SYNJ2: variants seen among roughly 807,000 people sequenced by gnomAD.
SYNJ2 encodes polyphosphatidylinositol phosphatase SYNJ2.
Under a neutral mutation model 141.3 loss-of-function variants are expected in SYNJ2, and 116 were observed. That is an observed-to-expected ratio of 0.82 (90% CI 0.71 to 0.96). The LOEUF is 0.96. SYNJ2 is among the 40% of genes least tolerant of loss of function. The probability of loss-of-function intolerance (pLI) is 0.00; values close to 1 mark genes in which losing one functional copy is unlikely to be tolerated. For missense variants in SYNJ2, 1,873 were observed against 1,934.8 expected (o/e 0.97, Z 0.60); for synonymous variants, 745 against 777.7 (o/e 0.96, Z 0.70).
intron 15 of SYNJ2, among the ~76,000 whole-genome samples, chr6:158,073,061 C>T (rs1782036684): frequency 2.1e-5 from 2 of 93,934 alleles, no homozygotes; most frequent in African/African-American, 4.6e-5. Flanking sequence ...CAGAGCGAGA[C>T]TCTGTCTAAA....
chr6:158,047,774 C>CAAAAAAAAAAAAAAAAAAA (rs58147972), intron 5 of SYNJ2, among the ~76,000 whole-genome samples: 7 of 32,384 alleles, frequency 2.2e-4, no homozygotes, highest in Admixed American at 5.3e-4. Context: ...GCGACTCTGT[C>CAAAAAAAAAAAAAAAAAAA]AAAAAAAAAA....
At chr6:158,066,713 A>G (rs987568205) in intron 12 of SYNJ2, 78 bp downstream of exon 12, 1 of 1,517,372 alleles carries the variant, frequency 6.6e-7, no homozygotes, top group Non-Finnish European at 9.0e-7. Flanking sequence ...TTTAGTGGCC[A>G]TCGTCTTGTG....
intron 1 of SYNJ2, among the ~76,000 whole-genome samples, chr6:158,009,689 G>C (rs886237404): frequency 2.6e-5 from 4 of 152,200 alleles, no homozygotes; most frequent in Non-Finnish European, 5.9e-5. Flanking sequence ...ATCAAGAAAG[G>C]GGGGATGGAA....
At chr6:157,988,721 G>A (rs1777300443) in intron 1 of SYNJ2, among the ~76,000 whole-genome samples, 1 of 152,218 alleles carries the variant, frequency 6.6e-6, no homozygotes, top group South Asian at 2.1e-4. Context: ...TTCAGGCTCA[G>A]ACTTGGGAAT....
rs531633531 is a variant in SYNJ2, at chr6:158,086,976, AC to A, written c.3338del (p.Pro1113LeufsTer5). ...CTCGGCCACCTCAACCCCCGCAGAG[AC>A]CCCCCCCTCCAAGTAAGACTCTGCT... ...RPRPPQPPQR[P>X]PPPTGLMVKK... is the part of the protein sequence containing the mutation. On this transcript the variant is annotated frameshift_variant, in exon 23 of 27. Transcript: ENST00000355585. LOFTEE classifies it high-confidence loss of function. 1.2e-4 allele frequency: 90 copies of A among 751,168 alleles called. No homozygotes were observed. Among genetic ancestry groups the A allele is most frequent in the Admixed American group, 2.8e-4 (13 of 47,088 alleles). The allele number at this position is 751,168 out of a possible 1,614,324, so 46.5% of individuals were successfully genotyped here.
At chr6:158,057,425 AAG>A (rs1318381881) in intron 6 of SYNJ2, among the ~76,000 whole-genome samples, 2 of 152,142 alleles carry the variant, frequency 1.3e-5, no homozygotes, top group Non-Finnish European at 2.9e-5. Context: ...AAGGGAAAGA[AAG>A]AGGAACCACG....
chr6:158,067,684 A>G (rs1307470185), intron 12 of SYNJ2: 3 of 985,268 alleles, frequency 3.0e-6, no homozygotes, highest in Admixed American at 6.1e-5. Flanking sequence ...CATGCCCCAC[A>G]GCTGCCTGGG....
chr6:157,983,372 C>A (rs891178915), intron 1 of SYNJ2, among the ~76,000 whole-genome samples: 19 of 152,326 alleles, frequency 1.2e-4, no homozygotes, highest in African/African-American at 4.1e-4. Flanking sequence ...CCTGAAGAGT[C>A]TAAGTTTGGT....
chr6:158,077,872 C>T (rs1057409687), intron 17 of SYNJ2: 8 of 219,716 alleles, frequency 3.6e-5, no homozygotes, highest in Non-Finnish European at 3.6e-5. Context: ...TTCTGGGATT[C>T]CTGGGTCCTG....
intron 2 of SYNJ2, among the ~76,000 whole-genome samples, chr6:158,026,507 A>C: frequency 6.7e-6 from 1 of 149,532 alleles, no homozygotes; most frequent in South Asian, 2.1e-4. Context: ...CCCCTGTACC[A>C]CTCCCGACCC....
At chr6:158,029,317 G>A (rs1417665528) in intron 3 of SYNJ2, 2 of 253,124 alleles carry the variant, frequency 7.9e-6, no homozygotes, top group Admixed American at 4.7e-5. Context: ...GGGAGGCTGA[G>A]GCAGGTGGAT....
chr6:158,058,121 G>A (rs1286345593), intron 6 of SYNJ2, among the ~76,000 whole-genome samples: 3 of 152,106 alleles, frequency 2.0e-5, no homozygotes, highest in South Asian at 2.1e-4. Context: ...GCTCATAAAC[G>A]TGTCATTACA....
intron 17 of SYNJ2, 25 bp from the exon 18 acceptor site, chr6:158,078,139 T>C (rs1341680244): frequency 6.9e-7 from 1 of 1,450,418 alleles, no homozygotes. Context: ...TATATGGGTC[T>C]CTCGAATGGA....
In SYNJ2 at chr6:158,059,331, A is replaced by C. The variant is rs945320111; in HGVS notation, c.932A>C (p.Glu311Ala). The change falls in exon 7 of 27, where the codon GAG becomes GCG. Residue 311 changes from glutamate (E) to alanine (A), a missense_variant. Glu to Ala is a moderately radical substitution (Grantham distance 107). Coordinates refer to ENST00000355585, the MANE Select transcript of SYNJ2 (RefSeq NM_003898.4). ...VNLLGSRGGEEVLNRAFKKLL... is the reference protein window; with the variant it reads ...VNLLGSRGGEAVLNRAFKKLL... ...CTTCTGGGAAGCAGAGGCGGAGAGG[A>C]GGTGCTCAACAGAGCCTTCAAGGTA... 4.8e-5 allele frequency: 74 copies of C among 1,550,564 alleles called. No homozygotes were observed. Among genetic ancestry groups the C allele is most frequent in the Non-Finnish European group, 6.4e-5 (73 of 1,146,842 alleles).
At chr6:158,011,107 C>T (rs886523556) in intron 1 of SYNJ2, among the ~76,000 whole-genome samples, 4 of 151,026 alleles carry the variant, frequency 2.6e-5, no homozygotes, top group Non-Finnish European at 5.9e-5. Flanking sequence ...AATTGGGGGA[C>T]ACCACGCGGG....
intron 26 of SYNJ2, among the ~76,000 whole-genome samples, chr6:158,095,042 G>A (rs1475756029): frequency 1.3e-5 from 2 of 152,006 alleles, no homozygotes; most frequent in East Asian, 1.9e-4. Flanking sequence ...CCAGCTACTC[G>A]GGAGGCTGAA....
intron 1 of SYNJ2, among the ~76,000 whole-genome samples, chr6:158,011,968 T>C (rs1264839401): frequency 1.3e-5 from 2 of 152,194 alleles, no homozygotes; most frequent in African/African-American, 2.4e-5. Flanking sequence ...GATGGGGCAC[T>C]GAGAACTGCT....
chr6:158,062,745 G>A (rs1781301778), intron 8 of SYNJ2, among the ~76,000 whole-genome samples: 1 of 152,168 alleles, frequency 6.6e-6, no homozygotes, highest in Non-Finnish European at 1.5e-5. Flanking sequence ...AGTATGCAAA[G>A]CATTTTTGCT....
At chr6:157,995,133 T>C (rs1272516625) in intron 1 of SYNJ2, among the ~76,000 whole-genome samples, 1 of 152,250 alleles carries the variant, frequency 6.6e-6, no homozygotes, top group Admixed American at 6.5e-5. Flanking sequence ...AAGCAAGTTA[T>C]GTTCAGACTA....
Sources: allele counts gnomAD v4.1 joint callset (sites outside exome capture counted in the v4.1 genomes callset), GRCh38; gene constraint gnomAD v4.1.1; transcripts MANE v1.5; gene names NCBI Gene and HGNC (gene_info 2026-07-23, HGNC 2026-07-21).